The following USP54 variants were observed in gnomAD, a reference collection of about 807,000 sequenced individuals.
USP54 encodes ubiquitin carboxyl-terminal hydrolase 54.
A neutral mutation model predicts 170.5 loss-of-function variants in USP54; 87 were observed. The observed-to-expected ratio is 0.51, with a 90% CI of 0.43 to 0.61. The LOEUF is 0.61. USP54 is among the 20% of genes least tolerant of loss of function. USP54 has a pLI of 0.00. For missense variants in USP54, 1,786 were observed against 2,047.8 expected (o/e 0.87, Z 2.47); for synonymous variants, 655 against 742.8 (o/e 0.88, Z 1.92).
intron 1 of USP54, among the ~76,000 whole-genome samples, chr10:73,588,217 T>C (rs541455350): frequency 7.1e-6 from 1 of 141,732 alleles, no homozygotes; most frequent in Non-Finnish European, 1.6e-5. Flanking sequence ...TGTTGTTGTT[T>C]TTTGTTTTTG....
intron 5 of USP54, among the ~76,000 whole-genome samples, chr10:73,544,942 G>C (rs1181626480): frequency 6.6e-6 from 1 of 152,102 alleles, no homozygotes; most frequent in Non-Finnish European, 1.5e-5. Context: ...TTGAACTCCT[G>C]ACCTTGTGAT....
intron 17 of USP54, among the ~76,000 whole-genome samples, chr10:73,522,776 T>G (rs1238782411): frequency 6.6e-6 from 1 of 152,208 alleles, no homozygotes. Context: ...ACAGGATTAC[T>G]TGGCCCAAGA....
chr10:73,582,440 CAG>C (rs993116622), intron 1 of USP54, among the ~76,000 whole-genome samples: 1 of 151,180 alleles, frequency 6.6e-6, no homozygotes, highest in African/African-American at 2.4e-5. Context: ...GGCTGGAGTG[CAG>C]TGATGCGATC....
chr10:73,555,234 C>T (rs7094096), intron 4 of USP54, among the ~76,000 whole-genome samples: 6,331 of 152,258 alleles, frequency 0.042, 403 homozygotes, highest in African/African-American at 0.14. Context: ...GAAGAGCTGG[C>T]TAGTTTCTCC....
chr10:73,526,758 C>G lies in USP54; in HGVS notation c.2083G>C (p.Ala695Pro), dbSNP rs770523543. 5.6e-6 allele frequency: 9 copies of G among 1,613,972 alleles called. No individual in the cohort carries two copies. Among genetic ancestry groups the G allele is most frequent in the African/African-American group, 1.3e-5 (1 of 74,908 alleles). Reference sequence around the variant, plus strand: ...TGACGCCAGGAAGGAACCAACCCAGCTGATCTCTTAGCACTTGGATCCCTT... The same window carrying G: ...TGACGCCAGGAAGGAACCAACCCAGGTGATCTCTTAGCACTTGGATCCCTT... ...VYRDPSAKRS[A>P]GLVPSWRHIP... Residue 695 changes from alanine to proline, a missense_variant, in exon 16 of 24, where the codon GCT (alanine) becomes CCT (proline). Transcript: ENST00000687698.
chr10:73,621,560 AC>A (rs1423115412), intron 1 of USP54, among the ~76,000 whole-genome samples: 2 of 148,418 alleles, frequency 1.3e-5, no homozygotes, highest in East Asian at 4.2e-4. Flanking sequence ...AGATTGCGCC[AC>A]TGTACTCCAG....
intron 16 of USP54, among the ~76,000 whole-genome samples, chr10:73,524,108 A>G (rs1315571157): frequency 6.7e-6 from 1 of 149,090 alleles, no homozygotes; most frequent in African/African-American, 2.4e-5. Context: ...GGGTTTCACC[A>G]TGTTGGTCAG....
chr10:73,521,323 C>T (rs973792151), intron 17 of USP54, among the ~76,000 whole-genome samples: 4 of 152,226 alleles, frequency 2.6e-5, no homozygotes, highest in African/African-American at 9.6e-5. Context: ...TCGGTTAGCG[C>T]GCGGTACTTA....
chr10:73,525,808 T>C (rs2062746657), intron 16 of USP54, among the ~76,000 whole-genome samples: 1 of 152,262 alleles, frequency 6.6e-6, no homozygotes, highest in African/African-American at 2.4e-5. Flanking sequence ...AAAGGGTTCA[T>C]GCCTTTTTAC....
chr10:73,572,673 C>T (rs1452893590), intron 3 of USP54, among the ~76,000 whole-genome samples: 1 of 152,132 alleles, frequency 6.6e-6, no homozygotes, highest in East Asian at 1.9e-4. Context: ...AATATTAGCT[C>T]ATAACAACAA....
chr10:73,511,774 C>T (rs148557027), intron 20 of USP54, among the ~76,000 whole-genome samples: 4,109 of 150,284 alleles, frequency 0.027, 72 homozygotes, highest in Middle Eastern at 0.082. Context: ...GACAGTTTCA[C>T]TCTTGTCACC....
Position 73,521,137 on chromosome 10 carries a change from C to T in USP54, c.2363-110G>A, listed in dbSNP as rs1285202004. The T allele has an allele frequency of 2.1e-6, 3 of 1,419,278 alleles. No homozygotes were observed. The Admixed American group carries it at 6.1e-5, about 29-fold the overall frequency. 87.9% of individuals were successfully genotyped at this position (1,419,278 alleles called of 1,614,324 possible). On this transcript the variant is annotated intron_variant, in intron 17 of 23. Coordinates refer to ENST00000687698, the MANE Select transcript of USP54 (RefSeq NM_001391956.1). Reference sequence around the variant, plus strand: ...TCCTTGCTGCTGAGCCACTGGTCTACCCTTATTCCAACTGTCTATTCCTAT... The same window carrying T: ...TCCTTGCTGCTGAGCCACTGGTCTATCCTTATTCCAACTGTCTATTCCTAT...
chr10:73,600,189 G>A (rs113427398), intron 1 of USP54, among the ~76,000 whole-genome samples: 4 of 152,094 alleles, frequency 2.6e-5, no homozygotes, highest in Non-Finnish European at 4.4e-5. Context: ...GTGAGCAACC[G>A]CGCCCGGCCC....
chr10:73,505,163 A>C, intron 21 of USP54, 145 bp downstream of exon 21: 1 of 1,248,208 alleles, frequency 8.0e-7, no homozygotes, highest in Non-Finnish European at 1.1e-6. Flanking sequence ...CTAATTCAAA[A>C]GAAGCCCAAT....
At chr10:73,522,980 G>C (rs112947955) in intron 17 of USP54, among the ~76,000 whole-genome samples, 15 of 152,316 alleles carry the variant, frequency 9.8e-5, no homozygotes, top group African/African-American at 3.6e-4. Flanking sequence ...ATTTAAGGTA[G>C]ATACTTCAGC....
intron 4 of USP54, among the ~76,000 whole-genome samples, chr10:73,547,049 C>CT (rs2133569421): frequency 6.6e-6 from 1 of 152,296 alleles, no homozygotes; most frequent in African/African-American, 2.4e-5. Flanking sequence ...ATGCACATCA[C>CT]TTTTTAATTT....
chr10:73,525,816 T>C (rs2062747807), intron 16 of USP54, among the ~76,000 whole-genome samples: 1 of 152,246 alleles, frequency 6.6e-6, no homozygotes, highest in African/African-American at 2.4e-5. Context: ...CATGCCTTTT[T>C]ACTACTGCTG....
chr10:73,595,738 C>G (rs563002053), upstream of USP54, among the ~76,000 whole-genome samples: 1 of 152,306 alleles, frequency 6.6e-6, no homozygotes, highest in South Asian at 2.1e-4. Context: ...TTGGACTGGA[C>G]TTAAAGCTCC....
At chr10:73,521,454 G>A (rs980968549) in intron 17 of USP54, among the ~76,000 whole-genome samples, 2 of 152,180 alleles carry the variant, frequency 1.3e-5, no homozygotes, top group Non-Finnish European at 2.9e-5. Context: ...ACTAGTGTCA[G>A]AACACCCTAG....
Sources: gnomAD v4.1 joint callset for allele counts (sites outside exome capture counted in the v4.1 genomes callset) on GRCh38, gnomAD v4.1.1 for gene constraint, MANE v1.5 for transcripts, NCBI Gene and HGNC (gene_info 2026-07-23, HGNC 2026-07-21) for gene names.